DCDC1: variants seen among roughly 807,000 people sequenced by gnomAD.
DCDC1 encodes the protein doublecortin domain-containing protein 1.
Under a neutral mutation model 178.3 loss-of-function variants are expected in DCDC1, and 200 were observed. That is an observed-to-expected ratio of 1.12 (90% confidence interval 1.00 to 1.26). The LOEUF (loss-of-function observed/expected upper bound fraction) is 1.26, where lower values mean the gene tolerates loss of function less well. DCDC1 is among the 50% of genes most tolerant of loss of function. The pLI is 0.00. For synonymous variants in DCDC1, 690 were observed against 604.8 expected (o/e 1.14, Z -2.07); for missense variants, 1,983 against 1,749.2 (o/e 1.13, Z -2.38).
chr11:31,242,987 T>C (rs1026982338), intron 8 of DCDC1, among the ~76,000 whole-genome samples: 13 of 151,846 alleles, frequency 8.6e-5, no homozygotes. Flanking sequence ...TATTGAAACA[T>C]CTTCTTAGAT....
rs1291818263 is a variant in DCDC1 at position 30,920,841 on chromosome 11, T to C, written c.3228A>G (p.Thr1076=). The C allele has an allele frequency of 6.2e-7, 1 of 1,613,718 alleles. No individual in the cohort carries two copies. Among genetic ancestry groups the C allele is most frequent in the South Asian group, 1.1e-5 (1 of 91,010 alleles). The part of the protein sequence containing the change: ...VAIFGEEKQV[T]EPEEKQMQED... ...CTTGCATTTGCTTTTCTTCCGGTTC[T>C]GTAACTTGCTTCTCTTCTCCAAAAA... The change falls in exon 25 of 39, where the codon ACA becomes ACG. Residue 1076 remains threonine (T), a synonymous_variant. Coordinates refer to ENST00000684477, the MANE Select transcript of DCDC1 (RefSeq NM_001387274.1).
At chr11:30,893,463 A>C (rs1943956940) in intron 35 of DCDC1, among the ~76,000 whole-genome samples, 1 of 152,132 alleles carries the variant, frequency 6.6e-6, no homozygotes, top group Non-Finnish European at 1.5e-5. Context: ...ATCCACCCTT[A>C]TACTTTGCCA....
intron 1 of DCDC1, among the ~76,000 whole-genome samples, chr11:31,337,907 G>T (rs539739938): frequency 1.3e-5 from 2 of 152,226 alleles, no homozygotes; most frequent in Admixed American, 6.5e-5. Context: ...AGAGGAAGGA[G>T]CAGTGTTAAA....
intron 3 of DCDC1, among the ~76,000 whole-genome samples, chr11:31,322,188 A>G (rs1255069512): frequency 2.0e-5 from 3 of 152,224 alleles, no homozygotes; most frequent in Non-Finnish European, 4.4e-5. Context: ...CAGGAACTCA[A>G]TCAGTGGTCG....
chr11:31,148,689 C>G (rs1964767063), intron 9 of DCDC1, among the ~76,000 whole-genome samples: 1 of 145,082 alleles, frequency 6.9e-6, no homozygotes, highest in Non-Finnish European at 1.5e-5. Flanking sequence ...TTATACAGAG[C>G]AAGACTCCGT....
chr11:31,270,479 CT>C (rs1945474881), intron 7 of DCDC1, among the ~76,000 whole-genome samples: 1 of 152,104 alleles, frequency 6.6e-6, no homozygotes, highest in Admixed American at 6.5e-5. Context: ...TTTTTCTGTT[CT>C]GTATAAATTA....
chr11:31,203,582 G>A (rs915150989), intron 9 of DCDC1, among the ~76,000 whole-genome samples: 1 of 152,156 alleles, frequency 6.6e-6, no homozygotes, highest in Non-Finnish European at 1.5e-5. Flanking sequence ...TTGATGTTGA[G>A]GTGTAGGATG....
intron 34 of DCDC1, among the ~76,000 whole-genome samples, chr11:30,895,494 T>C (rs1013679516): frequency 2.0e-5 from 3 of 152,208 alleles, no homozygotes; most frequent in African/African-American, 7.2e-5. Flanking sequence ...AATCTTAATG[T>C]GAAGATTTTT....
intron 9 of DCDC1, among the ~76,000 whole-genome samples, chr11:31,232,013 C>A (rs981815735): frequency 6.6e-6 from 1 of 152,214 alleles, no homozygotes; most frequent in Non-Finnish European, 1.5e-5. Context: ...ACGTTAGGAT[C>A]TCAGATCCTG....
chr11:30,888,100 A>G (rs200052335), intron 36 of DCDC1, among the ~76,000 whole-genome samples: 3,212 of 50,186 alleles, frequency 0.064, 65 homozygotes, highest in Non-Finnish European at 0.075. Context: ...AAGAAAGAAA[A>G]AGAAAGAAAG....
At chr11:31,251,636 A>T (rs1373046754) in intron 8 of DCDC1, among the ~76,000 whole-genome samples, 1 of 152,096 alleles carries the variant, frequency 6.6e-6, no homozygotes, top group Non-Finnish European at 1.5e-5. Flanking sequence ...AGAGAGAGAG[A>T]CACTATAAAT....
chr11:30,969,495 T>C (rs1949660279), intron 20 of DCDC1, among the ~76,000 whole-genome samples: 1 of 152,198 alleles, frequency 6.6e-6, no homozygotes, highest in Non-Finnish European at 1.5e-5. Context: ...ATACTGATTT[T>C]TAAATTTCTG....
At chr11:31,127,788 A>G in intron 10 of DCDC1, 149 bp from the exon 11 acceptor site, 1 of 546,220 alleles carries the variant, frequency 1.8e-6, no homozygotes, top group Non-Finnish European at 3.2e-6. Flanking sequence ...AAACAATGAA[A>G]GAGATATACA....
chr11:30,870,056 G>C (rs1941392081), intron 38 of DCDC1, among the ~76,000 whole-genome samples: 1 of 152,152 alleles, frequency 6.6e-6, no homozygotes, highest in Non-Finnish European at 1.5e-5. Context: ...AAGTCAGATA[G>C]GGTAAGTAAA....
chr11:30,978,829 C>A (rs1950243152), intron 20 of DCDC1, among the ~76,000 whole-genome samples: 3 of 137,046 alleles, frequency 2.2e-5, no homozygotes, highest in African/African-American at 8.9e-5. Flanking sequence ...CACACACACC[C>A]CCTTCTCAGC....
chr11:31,048,428 C>T (rs777678261), intron 20 of DCDC1, among the ~76,000 whole-genome samples: 35 of 152,300 alleles, frequency 2.3e-4, no homozygotes, highest in Non-Finnish European at 4.7e-4. Context: ...TGTTTCTGGG[C>T]ATCTGAATAT....
At chr11:31,258,588 C>G (rs540037973) in intron 8 of DCDC1, among the ~76,000 whole-genome samples, 1 of 152,206 alleles carries the variant, frequency 6.6e-6, no homozygotes, top group South Asian at 2.1e-4. Context: ...AACTGAAGAG[C>G]AGGAGCATTA....
intron 11 of DCDC1, among the ~76,000 whole-genome samples, chr11:31,117,407 T>A (rs1438963342): frequency 6.6e-6 from 1 of 151,916 alleles, no homozygotes; most frequent in Non-Finnish European, 1.5e-5. Context: ...TAAACTACTA[T>A]CTTAGCTCAA....
intron 11 of DCDC1, 28 bp from the exon 12 acceptor site, chr11:31,110,389 AAAT>A: frequency 1.4e-6 from 1 of 696,348 alleles, no homozygotes; most frequent in Non-Finnish European, 2.6e-6. Flanking sequence ...TCAAAAATAA[AAAT>A]AAATACATGC....
Sources: allele counts gnomAD v4.1 joint callset (sites outside exome capture counted in the v4.1 genomes callset), GRCh38; gene constraint gnomAD v4.1.1; transcripts MANE v1.5; gene names NCBI Gene and HGNC (gene_info 2026-07-23, HGNC 2026-07-21).